The following HDGFL2 variants were observed in gnomAD, a reference collection of about 807,000 sequenced individuals.
The protein encoded by HDGFL2 is HDGF like 2, also known as hepatoma-derived growth factor-related protein 2.
In HDGFL2, 36 loss-of-function variants were observed where a neutral mutation model predicts 77.1. The observed-to-expected ratio is 0.47, with a 90% CI of 0.36 to 0.62. The LOEUF is 0.62. HDGFL2 is among the 20% of genes least tolerant of loss of function. The pLI, the probability that HDGFL2 is intolerant of heterozygous loss-of-function variation, is 0.00. For synonymous variants in HDGFL2, 463 were observed against 413.1 expected (o/e 1.12, Z -1.46); for missense variants, 976 against 973.4 (o/e 1.00, Z -0.04).
chr19:4,494,275 C>T lies in HDGFL2; in HGVS notation c.1024C>T (p.Leu342=). ...AGAGCAGGAGGAGGAGCTGCGGCGC[C>T]TGCGGGAGCAGGAGAAGGAGGAGAA... ...RREQEEELRR[L]REQEKEEKER... Residue 342 remains leucine, a synonymous_variant, in exon 9 of 16, where the codon CTG becomes TTG. Transcript: ENST00000616600. 2 of 1,451,988 alleles carry T rather than the reference C, an allele frequency of 1.4e-6. No homozygotes were observed. Among genetic ancestry groups the T allele is most frequent in the East Asian group, 2.7e-5 (1 of 36,548 alleles). The allele number at this position is 1,451,988 out of a possible 1,614,324, so 89.9% of individuals were successfully genotyped here.
intron 10 of HDGFL2, chr19:4,497,061 C>T (rs957940701): frequency 2.4e-6 from 1 of 412,762 alleles, no homozygotes; most frequent in African/African-American, 2.1e-5. Context: ...CTTTAGTAGA[C>T]ACGGGGTTTC....
intron 3 of HDGFL2, among the ~76,000 whole-genome samples, chr19:4,482,578 TCCTC>T (rs1032354856): frequency 3.3e-5 from 5 of 152,174 alleles, no homozygotes; most frequent in Non-Finnish European, 7.3e-5. Flanking sequence ...GCTCAAGTGA[TCCTC>T]CTTCCTTGGC....
chr19:4,481,842 C>T (rs531183983), intron 3 of HDGFL2, among the ~76,000 whole-genome samples: 21 of 152,046 alleles, frequency 1.4e-4, no homozygotes, highest in African/African-American at 4.8e-4. Context: ...AATTGCACAT[C>T]GACACTTAGG....
At chr19:4,496,518 C>T in intron 10 of HDGFL2, 113 bp downstream of exon 10, 1 of 808,834 alleles carries the variant, frequency 1.2e-6, no homozygotes, top group Non-Finnish European at 2.1e-6. Context: ...TGGAGCCGGA[C>T]CCGGTTGAAG....
chr19:4,501,331 G>A lies in HDGFL2; in HGVS notation c.1916+14G>A, dbSNP rs772772758. 30 of 1,579,134 alleles carry A rather than the reference G, an allele frequency of 1.9e-5. No individual in the cohort carries two copies. The highest frequency in any genetic ancestry group is 2.4e-5 in the Non-Finnish European group (28 of 1,160,344). On this transcript the variant is annotated intron_variant, in intron 15 of 15. Transcript: ENST00000616600. ...AGACCTGCACGAGTGAGTGTCCCGG[G>A]CCGTGGGGTTTGGACTCCTGAGCGG...
rs571773363 is a variant in HDGFL2 at position 4,475,630 on chromosome 19, A to C, written c.288+47A>C. On this transcript the variant is annotated intron_variant, in intron 3 of 15. Transcript: ENST00000616600. ...CCAGTGTGAAGCGCGCTACTGATGC[A>C]AGAAGGGGCCTCCAGTTAGGGTCTC... 3.0e-5 allele frequency: 46 copies of C among 1,528,372 alleles called. 1 individual carries two copies. In the Admixed American group the frequency reaches 1.0e-3, roughly 34 times the overall value. 94.7% of individuals were successfully genotyped at this position (1,528,372 alleles called of 1,614,324 possible).
At chr19:4,497,504 C>A (rs1053397788) in intron 10 of HDGFL2, 1 of 303,212 alleles carries the variant, frequency 3.3e-6, no homozygotes, top group Non-Finnish European at 6.4e-6. Flanking sequence ...GTCCCCCAGC[C>A]CACTTTCTAA....
chr19:4,475,891 CTTT>C (rs34722390), intron 3 of HDGFL2, among the ~76,000 whole-genome samples: 28 of 136,788 alleles, frequency 2.0e-4, no homozygotes, highest in Non-Finnish European at 2.1e-4. Context: ...GTCCAAGTTT[CTTT>C]TTTTTTTTTT....
intron 11 of HDGFL2, 64 bp downstream of exon 11, chr19:4,498,095 G>C: frequency 7.0e-7 from 1 of 1,438,586 alleles, no homozygotes; most frequent in Non-Finnish European, 9.5e-7. Context: ...GACAGCCGTG[G>C]CGTGGCTGGC....
chr19:4,488,581 C>A, intron 3 of HDGFL2, 95 bp from the exon 4 acceptor site: 2 of 1,108,636 alleles, frequency 1.8e-6, no homozygotes, highest in South Asian at 1.5e-5. Context: ...CATTCAGGAT[C>A]CCGCATGTGG....
intron 14 of HDGFL2, 58 bp from the exon 15 acceptor site, chr19:4,501,133 G>A (rs572771741): frequency 1.2e-6 from 2 of 1,607,612 alleles, no homozygotes; most frequent in African/African-American, 1.3e-5. Flanking sequence ...ACAGGCAAGG[G>A]TTCTGGGGTG....
chr19:4,492,413 G>A (rs2145195049), intron 6 of HDGFL2, among the ~76,000 whole-genome samples: 1 of 151,850 alleles, frequency 6.6e-6, no homozygotes, highest in Non-Finnish European at 1.5e-5. Context: ...CCTCTCCTCT[G>A]CGTCTATGTG....
intron 3 of HDGFL2, among the ~76,000 whole-genome samples, chr19:4,479,904 TA>T (rs11321906): frequency 0.23 from 28,325 of 121,986 alleles, 3,317 homozygotes; most frequent in Middle Eastern, 0.44. Context: ...AGACTCTGTC[TA>T]AAAAAAAAAA....
intron 3 of HDGFL2, among the ~76,000 whole-genome samples, chr19:4,480,724 A>G (rs1011892335): frequency 6.6e-6 from 1 of 152,092 alleles, no homozygotes; most frequent in African/African-American, 2.4e-5. Flanking sequence ...GTCTCAAAAA[A>G]AAAGTGGGAG....
chr19:4,474,243 T>C (rs569081399), intron 1 of HDGFL2, among the ~76,000 whole-genome samples: 1 of 152,156 alleles, frequency 6.6e-6, no homozygotes, highest in African/African-American at 2.4e-5. Flanking sequence ...CAAACGGTGC[T>C]CTGGACCAGA....
intron 12 of HDGFL2, 106 bp downstream of exon 12, chr19:4,498,482 G>A: frequency 1.1e-6 from 1 of 885,020 alleles, no homozygotes; most frequent in East Asian, 2.6e-5. Context: ...TCCTGCAGTT[G>A]GGTGGGCCAG....
intron 12 of HDGFL2, 118 bp from the exon 13 acceptor site, chr19:4,498,696 T>G: frequency 2.9e-6 from 2 of 690,450 alleles, no homozygotes; most frequent in Non-Finnish European, 5.1e-6. Context: ...GGAGCTGTTC[T>G]GCAGATACAG....
At chr19:4,482,760 C>G (rs1275981097) in intron 3 of HDGFL2, among the ~76,000 whole-genome samples, 1 of 152,232 alleles carries the variant, frequency 6.6e-6, no homozygotes, top group South Asian at 2.1e-4. Flanking sequence ...TGACCTCTCC[C>G]TGCCTTTTTT....
At position 4,499,560 on chromosome 19, in the gene HDGFL2, C is replaced by A. The variant is rs746330359; in HGVS notation, c.1645C>A (p.Arg549=). The change falls in exon 14 of 16, where the codon CGG becomes AGG. Residue 549 remains arginine, a synonymous_variant. Coordinates refer to ENST00000616600, the MANE Select transcript of HDGFL2 (RefSeq NM_001001520.3). ...AGAAGTCTATACCCGGCTCAAGTCG[C>A]GGGTCCTCGGCCCAAAGATCGAGGC... The part of the protein sequence containing the change: ...AAEVYTRLKS[R]VLGPKIEAVQ... 6.2e-7 allele frequency: 1 copy of A among 1,613,666 alleles called. No homozygotes were observed. Among genetic ancestry groups the A allele is most frequent in the South Asian group, 1.1e-5 (1 of 91,000 alleles).
Sources: gnomAD v4.1 joint callset for allele counts (sites outside exome capture counted in the v4.1 genomes callset) on GRCh38, gnomAD v4.1.1 for gene constraint, MANE v1.5 for transcripts, NCBI Gene and HGNC (gene_info 2026-07-23, HGNC 2026-07-21) for gene names.